HECW2: variants seen among roughly 807,000 people sequenced by gnomAD.
HECW2 encodes HECT, C2 and WW domain containing E3 ubiquitin protein ligase 2.
A neutral mutation model predicts 175.2 loss-of-function variants in HECW2; 61 were observed. That is an observed-to-expected ratio of 0.35 (90% confidence interval 0.28 to 0.43). The LOEUF (loss-of-function observed/expected upper bound fraction) is 0.43. Ranked by LOEUF, HECW2 falls within the 20% of genes least tolerant of loss-of-function variation. The pLI, the probability that HECW2 is intolerant of heterozygous loss-of-function variation, is 1.00. For missense variants in HECW2, 1,524 were observed against 2,000.5 expected, an observed-to-expected ratio of 0.76 and a Z score of 4.54; for synonymous variants, 671 against 731.0, an observed-to-expected ratio of 0.92 and a Z score of 1.32.
At chr2:196,210,265 TG>T in intron 28 of HECW2, among the ~76,000 whole-genome samples, 1 of 137,770 alleles carries the variant, frequency 7.3e-6, no homozygotes, top group African/African-American at 2.7e-5. Flanking sequence ...TGTTTTAAAA[TG>T]TGTGTGTGTG....
chr2:196,354,860 A>G (rs1406268112), intron 2 of HECW2, among the ~76,000 whole-genome samples: 2 of 152,230 alleles, frequency 1.3e-5, no homozygotes, highest in East Asian at 3.9e-4. Context: ...ACCAAAGCAC[A>G]AAAAAGATTA....
chr2:196,224,310 T>C (rs1207456203), intron 23 of HECW2, among the ~76,000 whole-genome samples: 3 of 151,520 alleles, frequency 2.0e-5, no homozygotes, highest in Non-Finnish European at 4.4e-5. Context: ...GACATCCGAG[T>C]GGAGATATTT....
intron 4 of HECW2, among the ~76,000 whole-genome samples, chr2:196,330,471 T>C (rs1386750507): frequency 6.6e-6 from 1 of 152,240 alleles, no homozygotes; most frequent in Non-Finnish European, 1.5e-5. Context: ...TAAATTCTTC[T>C]GACAAAGATT....
chr2:196,568,329 A>G (rs967082338), intron 1 of HECW2, among the ~76,000 whole-genome samples: 9 of 152,224 alleles, frequency 5.9e-5, no homozygotes, highest in Non-Finnish European at 1.5e-5. Context: ...TAAAAACTCA[A>G]ACAGTACTTA....
chr2:196,459,879 T>C (rs935784978), intron 1 of HECW2, among the ~76,000 whole-genome samples: 5 of 152,156 alleles, frequency 3.3e-5, no homozygotes, highest in African/African-American at 1.2e-4. Context: ...TTAAAAACCA[T>C]GGGTCCCCTG....
At chr2:196,511,251 A>T (rs1156866153) in intron 1 of HECW2, among the ~76,000 whole-genome samples, 1 of 152,256 alleles carries the variant, frequency 6.6e-6, no homozygotes, top group African/African-American at 2.4e-5. Context: ...TGGGAATTAT[A>T]AAATATTAAA....
chr2:196,245,642 G>A (rs1688618701), intron 19 of HECW2, among the ~76,000 whole-genome samples: 1 of 152,164 alleles, frequency 6.6e-6, no homozygotes, highest in African/African-American at 2.4e-5. Flanking sequence ...GTTGTTATCT[G>A]CATAGAGGTG....
chr2:196,366,508 A>C (rs1389038414), intron 2 of HECW2, among the ~76,000 whole-genome samples: 1 of 152,212 alleles, frequency 6.6e-6, no homozygotes. Context: ...GTAATGTGCC[A>C]AAAACTCTGA....
intron 2 of HECW2, among the ~76,000 whole-genome samples, chr2:196,359,447 A>AAAAC (rs202003088): frequency 0.033 from 5,044 of 151,792 alleles, 228 homozygotes; most frequent in African/African-American, 0.1. Context: ...ACTCCATCTT[A>AAAAC]AAACAAACAA....
At chr2:196,494,516 G>A (rs532620923) in intron 1 of HECW2, among the ~76,000 whole-genome samples, 2 of 152,330 alleles carry the variant, frequency 1.3e-5, no homozygotes, top group East Asian at 3.9e-4. Flanking sequence ...GACAGTTACA[G>A]AAGGGAGAAG....
intron 13 of HECW2, among the ~76,000 whole-genome samples, chr2:196,297,563 T>G (rs10179197): frequency 0.025 from 3,748 of 152,290 alleles, 162 homozygotes; most frequent in African/African-American, 0.086. Context: ...GATGACCAAA[T>G]GTCCTAGATT....
Position 196,220,792 on chromosome 2 carries a change from T to C in HECW2, c.4293+3A>G. ...AACTCCTCCTACTGCTGATTGTCTT[T>C]ACCTCATAGAAGCCACGCACTAAGC... On this transcript the variant is annotated splice_donor_region_variant and intron_variant, in intron 25 of 28. Coordinates refer to ENST00000644978, the MANE Select transcript of HECW2 (RefSeq NM_001348768.2). 6.2e-7 allele frequency: 1 copy of C among 1,614,094 alleles called. No homozygotes were observed. The highest frequency in any genetic ancestry group is 8.5e-7 in the Non-Finnish European group (1 of 1,179,976).
intron 1 of HECW2, among the ~76,000 whole-genome samples, chr2:196,535,687 C>T (rs1688997389): frequency 6.6e-6 from 1 of 152,054 alleles, no homozygotes; most frequent in Non-Finnish European, 1.5e-5. Context: ...CTCATCGATC[C>T]CAAATCATCA....
intron 1 of HECW2, among the ~76,000 whole-genome samples, chr2:196,545,602 A>C (rs1466838087): frequency 1.3e-5 from 2 of 152,244 alleles, no homozygotes; most frequent in Non-Finnish European, 2.9e-5. Flanking sequence ...ATCCTTAGGC[A>C]TCTTGCTCTG....
intron 3 of HECW2, among the ~76,000 whole-genome samples, chr2:196,338,427 A>G (rs1461770725): frequency 6.6e-6 from 1 of 152,216 alleles, no homozygotes; most frequent in Admixed American, 6.5e-5. Context: ...CTTTTTAAAC[A>G]TTATACTCTT....
chr2:196,239,676 G>A (rs1228230429), intron 21 of HECW2: 1 of 152,128 alleles, frequency 6.6e-6, no homozygotes, highest in Non-Finnish European at 1.5e-5. Context: ...CAGCTGCTGA[G>A]TTATGAAGAA....
At chr2:196,495,291 C>T (rs1340952491) in intron 1 of HECW2, among the ~76,000 whole-genome samples, 2 of 152,258 alleles carry the variant, frequency 1.3e-5, no homozygotes, top group East Asian at 3.9e-4. Flanking sequence ...TGGTCTCAAT[C>T]TCCCGATCTC....
intron 16 of HECW2, among the ~76,000 whole-genome samples, chr2:196,271,674 T>C (rs1229702938): frequency 6.6e-6 from 1 of 152,054 alleles, no homozygotes; most frequent in Admixed American, 6.6e-5. Flanking sequence ...AGAGTCTGAG[T>C]TGGGAGGATC....
chr2:196,234,279 GTT>G (rs369225517), intron 21 of HECW2, among the ~76,000 whole-genome samples: 3,103 of 142,374 alleles, frequency 0.022, 89 homozygotes, highest in African/African-American at 0.073. Context: ...GTCTAATCCA[GTT>G]TTTTTTTTTT....
Sources: gnomAD v4.1 joint callset for allele counts (sites outside exome capture counted in the v4.1 genomes callset) on GRCh38, gnomAD v4.1.1 for gene constraint, MANE v1.5 for transcripts, NCBI Gene and HGNC (gene_info 2026-07-23, HGNC 2026-07-21) for gene names.